Variants in NLGN4X observed in about 807,000 individuals in gnomAD.
NLGN4X encodes neuroligin-4, X-linked.
Under a neutral mutation model 40.3 loss-of-function variants are expected in NLGN4X, and 3 were observed. The observed-to-expected ratio is 0.07, with a 90% CI of 0.03 to 0.19. The LOEUF is 0.19. Ranked by LOEUF, NLGN4X falls within the 10% of genes least tolerant of loss-of-function variation. The pLI is 1.00. For missense variants in NLGN4X, 382 were observed against 708.3 expected, an observed-to-expected ratio of 0.54 and a Z score of 5.23; for synonymous variants, 270 against 306.8, an observed-to-expected ratio of 0.88 and a Z score of 1.25.
At chrX:6,018,575 G>A (rs1380153639) in intron 3 of NLGN4X, among the ~76,000 whole-genome samples, 5 of 111,623 alleles carry the variant, frequency 4.5e-5, no homozygotes, top group Non-Finnish European at 7.5e-5. Context: ...TCCAAAGATC[G>A]TCAGCCTCGC....
At chrX:6,038,483 G>C (rs1324010919) in intron 2 of NLGN4X, among the ~76,000 whole-genome samples, 1 of 113,007 alleles carries the variant, frequency 8.8e-6, no homozygotes, top group East Asian at 2.8e-4. Flanking sequence ...GAATTTGAAA[G>C]ATGACCTTCA....
rs140514251 is a variant in NLGN4X at position 6,076,108 on chromosome X, C to T, written c.473-46676G>A. Among the ~76,000 whole-genome samples the T allele has an allele frequency of 2.3e-3, 259 of 111,858 alleles. 1 individual carries two copies. The highest frequency in any genetic ancestry group is 3.2e-3 in the Non-Finnish European group (168 of 53,182). ...CATAAAAATTGGCCTCCAAGACTTG[C>T]CAGTCCTATATGCTAAATCTCTGTA... On this transcript the variant is annotated intron_variant, in intron 2 of 5. Coordinates refer to ENST00000381095, the MANE Select transcript of NLGN4X (RefSeq NM_181332.3).
At chrX:5,928,450 G>C (rs1393904606) in intron 3 of NLGN4X, among the ~76,000 whole-genome samples, 1 of 111,955 alleles carries the variant, frequency 8.9e-6, no homozygotes, top group Non-Finnish European at 1.9e-5. Flanking sequence ...ATGAGGACGA[G>C]GATGATCTCA....
At chrX:5,958,772 A>G (rs1000562862) in intron 3 of NLGN4X, among the ~76,000 whole-genome samples, 2 of 112,007 alleles carry the variant, frequency 1.8e-5, no homozygotes, top group Non-Finnish European at 3.8e-5. Flanking sequence ...TTCCCTATGT[A>G]GAAACCAGGT....
At chrX:5,988,780 T>C (rs2147089694) in intron 3 of NLGN4X, among the ~76,000 whole-genome samples, 1 of 112,453 alleles carries the variant, frequency 8.9e-6, no homozygotes, top group Non-Finnish European at 1.9e-5. Context: ...AAGGTTTAGT[T>C]GAGGCTGGGC....
chrX:5,916,726 G>T (rs1434356828), intron 3 of NLGN4X, among the ~76,000 whole-genome samples: 1 of 111,936 alleles, frequency 8.9e-6, no homozygotes, highest in Admixed American at 9.5e-5. Context: ...CTGGGATTAA[G>T]GCATGAACCA....
intron 3 of NLGN4X, among the ~76,000 whole-genome samples, chrX:6,018,466 A>T (rs1024558720): frequency 1.8e-5 from 2 of 111,922 alleles, no homozygotes; most frequent in Non-Finnish European, 3.8e-5. Flanking sequence ...AGATCATGTT[A>T]TGCCTGTCTA....
chrX:6,010,405 T>C (rs1360846140), intron 3 of NLGN4X, among the ~76,000 whole-genome samples: 1 of 110,020 alleles, frequency 9.1e-6, no homozygotes, highest in African/African-American at 3.3e-5. Flanking sequence ...CCCTTCCATC[T>C]GTTATAATTG....
intron 2 of NLGN4X, among the ~76,000 whole-genome samples, chrX:6,117,187 A>G (rs917169916): frequency 1.1e-4 from 12 of 109,833 alleles, no homozygotes; most frequent in Admixed American, 1.9e-4. Flanking sequence ...CTCTCCTCAT[A>G]TTTGTCCGCA....
At chrX:6,059,697 C>T (rs2037723254) in intron 2 of NLGN4X, among the ~76,000 whole-genome samples, 2 of 111,393 alleles carry the variant, frequency 1.8e-5, no homozygotes, top group Middle Eastern at 4.6e-3. Flanking sequence ...AGGTCATCTT[C>T]AGCTGAGACA....
chrX:5,969,255 A>C (rs184925365), intron 3 of NLGN4X, among the ~76,000 whole-genome samples: 19 of 111,513 alleles, frequency 1.7e-4, no homozygotes, highest in East Asian at 1.1e-3. Flanking sequence ...AATGGGAGAA[A>C]ATTTTTGCAA....
At chrX:6,102,677 CAG>C (rs1569238967) in intron 2 of NLGN4X, among the ~76,000 whole-genome samples, 13 of 64,670 alleles carry the variant, frequency 2.0e-4, no homozygotes, top group African/African-American at 8.4e-4. Context: ...CATACATAGA[CAG>C]ATAGATACAT....
At chrX:6,000,082 C>T (rs1304878616) in intron 3 of NLGN4X, among the ~76,000 whole-genome samples, 1 of 112,247 alleles carries the variant, frequency 8.9e-6, no homozygotes, top group South Asian at 3.7e-4. Context: ...GGACAAAAGT[C>T]CTAGGCTATA....
At chrX:5,965,498 T>C (rs886155495) in intron 3 of NLGN4X, among the ~76,000 whole-genome samples, 5 of 112,288 alleles carry the variant, frequency 4.5e-5, no homozygotes, top group African/African-American at 6.5e-5. Context: ...ACACATGGCA[T>C]GGTCCTCAGT....
intron 5 of NLGN4X, among the ~76,000 whole-genome samples, chrX:5,894,793 T>C (rs2146691869): frequency 8.9e-6 from 1 of 112,401 alleles, no homozygotes; most frequent in East Asian, 2.8e-4. Context: ...AAAAAACAAT[T>C]ACGTCTTAAG....
chrX:5,908,434 C>T (rs886225189), intron 4 of NLGN4X, among the ~76,000 whole-genome samples: 1 of 111,376 alleles, frequency 9.0e-6, no homozygotes, highest in African/African-American at 3.3e-5. Context: ...CATCCCTTAT[C>T]GACATACTGT....
At chrX:5,980,815 G>C (rs908928937) in intron 3 of NLGN4X, among the ~76,000 whole-genome samples, 1 of 110,872 alleles carries the variant, frequency 9.0e-6, no homozygotes, top group African/African-American at 3.3e-5. Flanking sequence ...ACTAAGTCTT[G>C]AGCTCAGGTA....
At chrX:5,992,025 G>A in intron 3 of NLGN4X, among the ~76,000 whole-genome samples, 1 of 112,116 alleles carries the variant, frequency 8.9e-6, no homozygotes, top group Non-Finnish European at 1.9e-5. Context: ...CATGCTAAAA[G>A]TTTCAAAGCT....
At chrX:6,031,787 T>C (rs1333960315) in intron 2 of NLGN4X, among the ~76,000 whole-genome samples, 3 of 99,009 alleles carry the variant, frequency 3.0e-5, no homozygotes, top group Non-Finnish European at 6.1e-5. Context: ...TTCTCCTCTT[T>C]AAAAAAAAAA....
Sources: allele counts gnomAD v4.1 joint callset (sites outside exome capture counted in the v4.1 genomes callset), GRCh38; gene constraint gnomAD v4.1.1; transcripts MANE v1.5; gene names NCBI Gene and HGNC (gene_info 2026-07-23, HGNC 2026-07-21).